SLCO2B1: variants seen among roughly 807,000 people sequenced by gnomAD.
SLCO2B1 encodes the protein solute carrier organic anion transporter family member 2B1, also known as OATP-RP2.
Under a neutral mutation model 67.3 loss-of-function variants are expected in SLCO2B1, and 41 were observed. That is an observed-to-expected ratio of 0.61 (90% confidence interval 0.47 to 0.79). The LOEUF (loss-of-function observed/expected upper bound fraction) is 0.79, where lower values mean the gene tolerates loss of function less well. Among genes scored for constraint, SLCO2B1 ranks in the 30% least tolerant of loss-of-function variants. The probability of loss-of-function intolerance (pLI) is 0.00; values close to 1 mark genes in which losing one functional copy is unlikely to be tolerated. For missense variants in SLCO2B1, 837 were observed against 920.1 expected, an observed-to-expected ratio of 0.91 and a Z score of 1.17; for synonymous variants, 379 against 381.4, an observed-to-expected ratio of 0.99 and a Z score of 0.07.
At chr11:75,156,633 G>A (rs918976628) in intron 1 of SLCO2B1, among the ~76,000 whole-genome samples, 27 of 152,152 alleles carry the variant, frequency 1.8e-4, no homozygotes, top group African/African-American at 6.0e-4. Context: ...CTTGGATCTC[G>A]TGCAAGAAAG....
chr11:75,181,380 A>AG (rs929981231), intron 7 of SLCO2B1, among the ~76,000 whole-genome samples: 9 of 151,220 alleles, frequency 6.0e-5, no homozygotes, highest in Non-Finnish European at 1.3e-4. Context: ...CTCAAAAAAA[A>AG]AAAAAAAAGA....
At chr11:75,196,856 G>A (rs560421308) in intron 10 of SLCO2B1, among the ~76,000 whole-genome samples, 177 bp downstream of exon 10, 1 of 152,356 alleles carries the variant, frequency 6.6e-6, no homozygotes, top group African/African-American at 2.4e-5. Context: ...CTGGCCAGGA[G>A]CAGTGGCTTA....
At chr11:75,195,375 C>G (rs1031713564) in intron 9 of SLCO2B1, among the ~76,000 whole-genome samples, 7 of 152,166 alleles carry the variant, frequency 4.6e-5, no homozygotes, top group Admixed American at 3.9e-4. Context: ...ACCCCCACCC[C>G]GAGGGAGATG....
At chr11:75,173,993 C>T (rs879374731) in intron 7 of SLCO2B1, among the ~76,000 whole-genome samples, 4 of 151,732 alleles carry the variant, frequency 2.6e-5, no homozygotes, top group African/African-American at 4.8e-5. Context: ...GTAGAGATGG[C>T]GTTTCACCAT....
In SLCO2B1 at chr11:75,164,061, C is replaced by T. The variant is rs755593651; in HGVS notation, c.246C>T (p.Leu82=). The T allele has an allele frequency of 1.4e-5, 23 of 1,608,626 alleles. No homozygotes were observed. Among genetic ancestry groups the T allele is most frequent in the Non-Finnish European group, 1.7e-5 (20 of 1,177,770 alleles). Residue 82 remains leucine, a synonymous_variant, in exon 3 of 14, where the codon CTC becomes CTT. Coordinates refer to ENST00000289575, the MANE Select transcript of SLCO2B1 (RefSeq NM_007256.5). Reference sequence around the variant, plus strand: ...CCACAGTGGAGAAGCGCTTCGGCCTCTCCAGCCAGACGTCGGGGCTGCTGG... The same window carrying T: ...CCACAGTGGAGAAGCGCTTCGGCCTTTCCAGCCAGACGTCGGGGCTGCTGG... ...SISTVEKRFG[L]SSQTSGLLAS...
chr11:75,170,043 T>A lies in SLCO2B1; in HGVS notation c.781+279T>A, dbSNP rs148811667. The A allele has an allele frequency of 1.2e-3, 485 of 394,162 alleles. 1 individual carries two copies. Among genetic ancestry groups the A allele is most frequent in the Non-Finnish European group, 1.9e-3 (408 of 214,336 alleles). The allele number at this position is 394,162 out of a possible 1,614,324, so 24.4% of individuals were successfully genotyped here. ...TTGCCGTCACTACTATTACTGGGAG[T>A]CTTCGCCTTGTTCCATACCCCACCT... On this transcript the variant is annotated intron_variant, in intron 6 of 13. Coordinates refer to ENST00000289575, the MANE Select transcript of SLCO2B1 (RefSeq NM_007256.5).
chr11:75,155,701 G>A (rs962024958), intron 1 of SLCO2B1, among the ~76,000 whole-genome samples: 3 of 152,092 alleles, frequency 2.0e-5, no homozygotes, highest in Admixed American at 6.5e-5. Context: ...CAGGTGATCC[G>A]CCTGCTTCAG....
At chr11:75,164,652 C>A (rs1439503046) in intron 3 of SLCO2B1, among the ~76,000 whole-genome samples, 1 of 152,064 alleles carries the variant, frequency 6.6e-6, no homozygotes, top group Non-Finnish European at 1.5e-5. Flanking sequence ...GTCCTTCAGT[C>A]CTTCCCCCGC....
chr11:75,194,501 C>T (rs926442854), intron 9 of SLCO2B1, among the ~76,000 whole-genome samples: 1 of 152,148 alleles, frequency 6.6e-6, no homozygotes, highest in African/African-American at 2.4e-5. Flanking sequence ...GCACCCAGCC[C>T]CTCCCCGTCT....
In SLCO2B1 at chr11:75,202,960, T is replaced by G. The variant is rs747338319; in HGVS notation, c.1823T>G (p.Ile608Ser). The G allele has an allele frequency of 8.1e-6, 13 of 1,613,408 alleles. No homozygotes were observed. The highest frequency in any genetic ancestry group is 1.1e-5 in the Non-Finnish European group (13 of 1,179,744). The change falls in exon 12 of 14, where the codon ATT (isoleucine) becomes AGT (serine). Residue 608 changes from isoleucine (I) to serine (S), a missense_variant. By Grantham distance (142) the Ile-to-Ser change is moderately radical. Coordinates refer to ENST00000289575, the MANE Select transcript of SLCO2B1 (RefSeq NM_007256.5). ...AVGIQFMFLR[I>S]LAWMPSPVIH... is the part of the protein sequence containing the mutation. Reference sequence around the variant, plus strand: ...GGCATCCAGTTCATGTTCCTGAGGATTTTGGGTAAAGATCTTGCTTGGGAC... The same window carrying G: ...GGCATCCAGTTCATGTTCCTGAGGAGTTTGGGTAAAGATCTTGCTTGGGAC...
intron 10 of SLCO2B1, among the ~76,000 whole-genome samples, chr11:75,197,194 G>A (rs1465077164): frequency 6.6e-6 from 1 of 152,232 alleles, no homozygotes; most frequent in African/African-American, 2.4e-5. Flanking sequence ...CCAGATCTCT[G>A]TGCAGGGGAG....
At chr11:75,178,865 G>A (rs1046842165) in intron 7 of SLCO2B1, among the ~76,000 whole-genome samples, 2 of 152,216 alleles carry the variant, frequency 1.3e-5, no homozygotes, top group Admixed American at 6.5e-5. Flanking sequence ...AGAACATGCA[G>A]TATTTGTTTT....
chr11:75,158,204 AGCTGGGATTACAG>A (rs1949770046), intron 1 of SLCO2B1, among the ~76,000 whole-genome samples: 1 of 152,182 alleles, frequency 6.6e-6, no homozygotes, highest in African/African-American at 2.4e-5. Flanking sequence ...CCTCCCGAGT[AGCTGGGATTACAG>A]GCATGCACCA....
chr11:75,181,621 T>A (rs1950092943), intron 7 of SLCO2B1, among the ~76,000 whole-genome samples: 1 of 152,106 alleles, frequency 6.6e-6, no homozygotes, highest in South Asian at 2.1e-4. Context: ...CTTCTTTTAA[T>A]AGGAACTTAG....
At chr11:75,198,008 C>T (rs1333316022) in intron 10 of SLCO2B1, among the ~76,000 whole-genome samples, 1 of 152,214 alleles carries the variant, frequency 6.6e-6, no homozygotes, top group Admixed American at 6.5e-5. Flanking sequence ...GACAACATCT[C>T]CCTCTCTCCA....
At chr11:75,188,068 C>T in intron 7 of SLCO2B1, 68 bp from the exon 8 acceptor site, 1 of 1,111,672 alleles carries the variant, frequency 9.0e-7, no homozygotes, top group Non-Finnish European at 1.3e-6. Flanking sequence ...TCCTCCCCAG[C>T]CCACAGCCAA....
chr11:75,192,936 C>T (rs529034661), intron 8 of SLCO2B1, among the ~76,000 whole-genome samples: 6 of 151,876 alleles, frequency 4.0e-5, no homozygotes, highest in Non-Finnish European at 7.4e-5. Flanking sequence ...TTCAGCTACT[C>T]GGGAGGCTGA....
chr11:75,172,345 C>T (rs1949970344), intron 6 of SLCO2B1, 34 bp from the exon 7 acceptor site: 6 of 1,583,508 alleles, frequency 3.8e-6, no homozygotes, highest in Non-Finnish European at 5.2e-6. Flanking sequence ...GCCTATCATC[C>T]TGACCCTAAT....
chr11:75,167,473 T>G (rs1298945396), intron 4 of SLCO2B1, among the ~76,000 whole-genome samples: 1 of 152,116 alleles, frequency 6.6e-6, no homozygotes. Context: ...CGTCTTTACA[T>G]CAGCCCAAAG....
Sources: allele counts gnomAD v4.1 joint callset (sites outside exome capture counted in the v4.1 genomes callset), GRCh38; gene constraint gnomAD v4.1.1; transcripts MANE v1.5; gene names NCBI Gene and HGNC (gene_info 2026-07-23, HGNC 2026-07-21).